The following RAD51B variants were observed in gnomAD, a reference collection of about 807,000 sequenced individuals.
The protein encoded by RAD51B is DNA repair protein RAD51 homolog 2.
In RAD51B, 38 loss-of-function variants were observed where a neutral mutation model predicts 42.2. The observed-to-expected ratio is 0.90, with a 90% CI of 0.70 to 1.18. The LOEUF (loss-of-function observed/expected upper bound fraction) is 1.18, where lower values mean the gene tolerates loss of function less well. Ranked by LOEUF, RAD51B falls within the 50% of genes most tolerant of loss-of-function variation. The probability of loss-of-function intolerance (pLI) is 0.00; values close to 1 mark genes in which losing one functional copy is unlikely to be tolerated. For synonymous variants in RAD51B, 154 were observed against 145.2 expected, an observed-to-expected ratio of 1.06 and a Z score of -0.43; for missense variants, 373 against 400.7, an observed-to-expected ratio of 0.93 and a Z score of 0.59.
intron 7 of RAD51B, among the ~76,000 whole-genome samples, chr14:68,245,063 G>A (rs2080467663): frequency 6.6e-6 from 1 of 152,182 alleles, no homozygotes; most frequent in African/African-American, 2.4e-5. Context: ...AAAACATCTA[G>A]GCAAAACCAT....
chr14:68,458,721 T>G (rs1009021842), intron 9 of RAD51B, among the ~76,000 whole-genome samples: 6 of 150,886 alleles, frequency 4.0e-5, no homozygotes, highest in Non-Finnish European at 8.9e-5. Context: ...TATTATATTT[T>G]TTAGGGATTC....
At chr14:68,071,713 C>T (rs1294798887) in intron 7 of RAD51B, among the ~76,000 whole-genome samples, 6 of 151,752 alleles carry the variant, frequency 4.0e-5, no homozygotes, top group Non-Finnish European at 8.8e-5. Context: ...GGAATATTGG[C>T]CTGAAGATTT....
intron 7 of RAD51B, among the ~76,000 whole-genome samples, chr14:68,180,260 T>A: frequency 6.6e-6 from 1 of 152,170 alleles, no homozygotes; most frequent in East Asian, 1.9e-4. Context: ...AGCGCTAACA[T>A]TCATCTTTAC....
chr14:68,126,539 C>T (rs974292027), intron 7 of RAD51B, among the ~76,000 whole-genome samples: 11 of 152,132 alleles, frequency 7.2e-5, no homozygotes, highest in East Asian at 1.9e-4. Flanking sequence ...ATGTATGACA[C>T]GTTGATCAGC....
intron 7 of RAD51B, among the ~76,000 whole-genome samples, chr14:68,097,784 A>G (rs759208833): frequency 2.6e-5 from 4 of 152,220 alleles, no homozygotes; most frequent in Non-Finnish European, 5.9e-5. Flanking sequence ...TATTCTTAAA[A>G]TGCAAATCAT....
intron 10 of RAD51B, among the ~76,000 whole-genome samples, chr14:68,483,866 C>T (rs1883397564): frequency 1.3e-5 from 2 of 152,184 alleles, no homozygotes; most frequent in African/African-American, 4.8e-5. Context: ...TTTGGTTTTC[C>T]TTCCAGTTTA....
intron 9 of RAD51B, among the ~76,000 whole-genome samples, chr14:68,418,368 C>T (rs2084614829): frequency 6.6e-6 from 1 of 152,216 alleles, no homozygotes; most frequent in South Asian, 2.1e-4. Flanking sequence ...GGTCCTCTTA[C>T]AGAGCATGTA....
rs76521265 is a variant in RAD51B, at chr14:68,248,544, T to A, written c.757-43340T>A. Reference sequence around the variant, plus strand: ...CTCTTCTAACATAGCCTTTTTTTTTTAATTTATTTGTTTGTTTTTACATGT... The same window carrying A: ...CTCTTCTAACATAGCCTTTTTTTTTAAATTTATTTGTTTGTTTTTACATGT... On this transcript the variant is annotated intron_variant, in intron 7 of 10. Coordinates refer to ENST00000471583, the MANE Select transcript of RAD51B (RefSeq NM_133510.4). Among the ~76,000 whole-genome samples the A allele has an allele frequency of 8.8e-3, 1,339 of 152,260 alleles. 14 individuals are homozygous for A. Among genetic ancestry groups the A allele is most frequent in the African/African-American group, 0.025 (1,042 of 41,530 alleles).
intron 9 of RAD51B, among the ~76,000 whole-genome samples, chr14:68,433,793 G>T (rs1312782503): frequency 6.6e-6 from 1 of 152,240 alleles, no homozygotes. Context: ...CTGGCGAGGA[G>T]CTGCGTTCCT....
rs367800462 is a variant in RAD51B, at chr14:68,674,095, G to A, written c.*11+23239G>A. 1.6e-4 allele frequency among the ~76,000 whole-genome samples: 25 copies of A among 151,718 alleles called. 1 individual carries two copies. The highest frequency in any genetic ancestry group is 8.3e-4 in the South Asian group (4 of 4,814). ...ACACACATACTGTACACAGGTATAC[G>A]CACACTTGCATATATATACATGCAT... On this transcript the variant is annotated intron_variant, in intron 11 of 11. Transcript: ENST00000488612.
chr14:68,658,986 G>A (rs983291851), intron 11 of RAD51B, among the ~76,000 whole-genome samples: 4 of 152,186 alleles, frequency 2.6e-5, no homozygotes, highest in African/African-American at 4.8e-5. Flanking sequence ...AGAGAGGGGC[G>A]GGAGGGAGGA....
chr14:67,851,324 T>A (rs1331396908), intron 4 of RAD51B, among the ~76,000 whole-genome samples: 1 of 151,972 alleles, frequency 6.6e-6, no homozygotes, highest in Non-Finnish European at 1.5e-5. Flanking sequence ...AGGGCTGATA[T>A]CTGGGTGAGG....
intron 8 of RAD51B, among the ~76,000 whole-genome samples, chr14:68,304,740 C>G (rs2081824130): frequency 6.6e-6 from 1 of 152,222 alleles, no homozygotes; most frequent in South Asian, 2.1e-4. Context: ...TCAATTCCCT[C>G]AGCTATACAC....
At chr14:67,866,579 C>A (rs1413978226) in intron 5 of RAD51B, among the ~76,000 whole-genome samples, 1 of 152,190 alleles carries the variant, frequency 6.6e-6, no homozygotes, top group East Asian at 1.9e-4. Context: ...ACATACAAAA[C>A]AGAGTTTAGG....
At chr14:68,358,814 G>A (rs1049974369) in intron 8 of RAD51B, among the ~76,000 whole-genome samples, 1 of 152,198 alleles carries the variant, frequency 6.6e-6, no homozygotes, top group African/African-American at 2.4e-5. Flanking sequence ...TGATGGTAAA[G>A]AAATTATTAA....
At chr14:68,682,487 G>A (rs970385629) in intron 11 of RAD51B, among the ~76,000 whole-genome samples, 16 of 152,106 alleles carry the variant, frequency 1.1e-4, no homozygotes, top group African/African-American at 3.9e-4. Flanking sequence ...AGTCCCTCCT[G>A]GTTTAGAACA....
chr14:68,551,963 A>C (rs1446956719), intron 10 of RAD51B, among the ~76,000 whole-genome samples: 1 of 152,248 alleles, frequency 6.6e-6, no homozygotes, highest in Non-Finnish European at 1.5e-5. Flanking sequence ...GAAGACAGGG[A>C]CCACGTCTTT....
At chr14:68,270,215 G>A (rs2081078426) in intron 7 of RAD51B, among the ~76,000 whole-genome samples, 1 of 152,154 alleles carries the variant, frequency 6.6e-6, no homozygotes, top group Non-Finnish European at 1.5e-5. Context: ...AATATATGTT[G>A]CTATATCCTC....
intron 10 of RAD51B, chr14:68,472,269 A>C (rs1162872515): frequency 6.6e-6 from 1 of 152,320 alleles, no homozygotes; most frequent in Non-Finnish European, 1.5e-5. Context: ...GCAAGCCCCG[A>C]ATGTTGTGCC....
Sources: allele counts gnomAD v4.1 joint callset (sites outside exome capture counted in the v4.1 genomes callset), GRCh38; gene constraint gnomAD v4.1.1; transcripts MANE v1.5; gene names NCBI Gene and HGNC (gene_info 2026-07-23, HGNC 2026-07-21).